CAVIN4: variants seen among roughly 807,000 people sequenced by gnomAD.
The protein encoded by CAVIN4 is caveolae-associated protein 4.
CAVIN4 carries 10 observed loss-of-function variants against 18.6 expected under a neutral mutation model. The ratio of observed to expected loss-of-function variants is 0.54; its 90% CI spans 0.33 to 0.91. CAVIN4 has a LOEUF of 0.91. Among genes scored for constraint, CAVIN4 ranks in the 40% least tolerant of loss-of-function variants. The pLI is 0.02. For missense variants in CAVIN4, 459 were observed against 440.5 expected (o/e 1.04, Z -0.38); for synonymous variants, 173 against 164.8 (o/e 1.05, Z -0.38).
In CAVIN4 at chr9:100,587,584, A is replaced by G. The variant is rs932664074; in HGVS notation, c.*1133A>G. 12 of 152,182 alleles carry G rather than the reference A, an allele frequency of 7.9e-5. No homozygotes were observed. The highest frequency in any genetic ancestry group is 7.2e-4 in the Admixed American group (11 of 15,278). The allele number at this position is 152,182 out of a possible 1,614,324, so 9.4% of individuals were successfully genotyped here. A position where few individuals can be genotyped will look rare whatever the true frequency, so the allele number is the denominator to read the frequency against. ...GAATCCAGGAAGTAGAACAATGTCT[A>G]TTGTTGCTAAAGAAAGAAAGAAATG... On this transcript the variant is annotated 3_prime_UTR_variant, in exon 2 of 2. Transcript: ENST00000307584.
chr9:100,581,825 A>G (rs115326937), intron 1 of CAVIN4, among the ~76,000 whole-genome samples: 161 of 152,184 alleles, frequency 1.1e-3, no homozygotes, highest in African/African-American at 3.7e-3. Context: ...GCCAACCCAC[A>G]TTGTGTTGCT....
Position 100,578,521 on chromosome 9 carries a change from GA to G in CAVIN4, c.383del (p.Asn128ThrfsTer6). The part of the protein sequence containing the change: ...VEVKQEEIMK[K>X]NKFRVVIFQE... ...AAGTCAAGCAAGAGGAAATAATGAA[GA>G]AAAACAAATTCCGCGTGGTAATATT... On this transcript the variant is annotated frameshift_variant, in exon 1 of 2. Transcript: ENST00000307584. LOFTEE classifies it high-confidence loss of function. The G allele has an allele frequency of 6.2e-7, 1 of 1,613,496 alleles. No homozygotes were observed. Among genetic ancestry groups the G allele is most frequent in the South Asian group, 1.1e-5 (1 of 91,070 alleles).
intron 1 of CAVIN4, among the ~76,000 whole-genome samples, chr9:100,580,267 G>C (rs774046358): frequency 6.6e-6 from 1 of 151,992 alleles, no homozygotes; most frequent in Non-Finnish European, 1.5e-5. Context: ...GCACTCCAGC[G>C]TGGGTGATAG....
intron 1 of CAVIN4, chr9:100,581,133 A>G (rs1839422383): frequency 6.6e-6 from 1 of 152,092 alleles, no homozygotes; most frequent in South Asian, 2.1e-4. Flanking sequence ...TTCCCTAGCT[A>G]TATTAGTTTG....
chr9:100,581,611 C>G (rs1839428495), intron 1 of CAVIN4, among the ~76,000 whole-genome samples: 2 of 152,158 alleles, frequency 1.3e-5, no homozygotes, highest in Admixed American at 1.3e-4. Flanking sequence ...ATCTGCGTAA[C>G]AAGTACTTTT....
rs1167483502 is a variant in CAVIN4 at position 100,578,539 on chromosome 9, G to A, written c.396G>A (p.Val132=). The A allele has an allele frequency of 3.7e-6, 6 of 1,612,936 alleles. No individual in the cohort carries two copies. The African/African-American group carries it at 5.3e-5, about 14-fold the overall frequency. Residue 132 remains valine (V), a synonymous_variant, in exon 1 of 2, where the codon GTG becomes GTA. Transcript: ENST00000307584. ...TAATGAAGAAAAACAAATTCCGCGTGGTAATATTCCAGGTAAGCTTGCACT... is the reference window on the plus strand; with the variant it reads ...TAATGAAGAAAAACAAATTCCGCGTAGTAATATTCCAGGTAAGCTTGCACT... The part of the protein sequence containing the change: ...EEIMKKNKFR[V]VIFQEKFRCP...
rs1839392234 is a variant in CAVIN4 at position 100,578,427 on chromosome 9, A to G, written c.284A>G (p.Lys95Arg). The G allele has an allele frequency of 1.1e-5, 17 of 1,614,026 alleles. No individual in the cohort carries two copies. Among genetic ancestry groups the G allele is most frequent in the African/African-American group, 1.3e-5 (1 of 74,910 alleles). The change falls in exon 1 of 2, where the codon AAA (lysine) becomes AGA (arginine). Residue 95 changes from lysine to arginine, a missense_variant. Lys to Arg is a conservative substitution (Grantham distance 26). Transcript: ENST00000307584. ...IINKLFEKTR[K>R]VSAHIKDVKA... ...AACAAATTGTTTGAGAAAACCCGAA[A>G]AGTTAGTGCTCACATTAAAGATGTG...
chr9:100,583,797 C>T (rs1391183152), intron 1 of CAVIN4, among the ~76,000 whole-genome samples: 4 of 152,256 alleles, frequency 2.6e-5, no homozygotes, highest in Non-Finnish European at 5.9e-5. Context: ...CAGGCATGTC[C>T]CACCACACCT....
intron 1 of CAVIN4, 75 bp downstream of exon 1, chr9:100,578,626 G>T (rs1182234577): frequency 7.2e-7 from 1 of 1,397,758 alleles, no homozygotes; most frequent in Non-Finnish European, 1.0e-6. Flanking sequence ...CATATCAGAG[G>T]TTTCCAGTGT....
At chr9:100,577,649 TG>T (rs1839375738), upstream of CAVIN4, 1 of 153,228 alleles carries the variant, frequency 6.5e-6, no homozygotes, top group African/African-American at 2.4e-5. Context: ...GCCTCTGTTT[TG>T]GTGTGTTTAT....
chr9:100,583,766 C>A (rs1259604495), intron 1 of CAVIN4, among the ~76,000 whole-genome samples: 2 of 152,202 alleles, frequency 1.3e-5, no homozygotes, highest in Non-Finnish European at 2.9e-5. Context: ...CTTGCCTCAG[C>A]CTCCCGAGTA....
chr9:100,577,978 A>G (rs1405137856), upstream of CAVIN4: 1 of 634,986 alleles, frequency 1.6e-6, no homozygotes, highest in Admixed American at 2.7e-5. Context: ...TTCAGATTGC[A>G]GAACAGTCAC....
intron 1 of CAVIN4, among the ~76,000 whole-genome samples, chr9:100,585,317 G>T (rs1839464966): frequency 6.6e-6 from 1 of 152,164 alleles, no homozygotes; most frequent in African/African-American, 2.4e-5. Context: ...TATGATTCAG[G>T]TGTTTCTATC....
In CAVIN4 at chr9:100,588,070, A is replaced by G. The variant is rs908095859; in HGVS notation, c.*1619A>G. On this transcript the variant is annotated 3_prime_UTR_variant, in exon 2 of 2. Transcript: ENST00000307584. Reference sequence around the variant, plus strand: ...CTTTCAGATCAGTTTTTGGATAATCATATGGTAGTTAAAATAATAAGTGTA... The same window carrying G: ...CTTTCAGATCAGTTTTTGGATAATCGTATGGTAGTTAAAATAATAAGTGTA... 6.6e-6 allele frequency among the ~76,000 whole-genome samples: 1 copy of G among 152,220 alleles called. No individual in the cohort carries two copies. The highest frequency in any genetic ancestry group is 2.4e-5 in the African/African-American group (1 of 41,458).
chr9:100,578,584 C>A, intron 1 of CAVIN4, 33 bp downstream of exon 1: 1 of 1,609,132 alleles, frequency 6.2e-7, no homozygotes, highest in South Asian at 1.1e-5. Context: ...CTTGCTTGTT[C>A]TAATCTCTTG....
rs146893930 is a variant in CAVIN4 at position 100,586,328 on chromosome 9, G to A, written c.972G>A (p.Pro324=). The A allele has an allele frequency of 6.6e-5, 107 of 1,613,944 alleles. No homozygotes were observed. The East Asian group carries it at 1.0e-3, about 15-fold the overall frequency. The part of the protein sequence containing the change: ...LSEPEHEAAR[P]VYPPHEGREI... The stretch of plus-strand genomic sequence containing the variant: ...AACCAGAACACGAGGCAGCCAGGCC[G>A]GTGTATCCTCCCCATGAAGGAAGGG... The change falls in exon 2 of 2, where the codon CCG becomes CCA. Residue 324 remains proline, a synonymous_variant. Coordinates refer to ENST00000307584, the MANE Select transcript of CAVIN4 (RefSeq NM_001018116.2).
chr9:100,577,222 T>A (rs1351800131), upstream of CAVIN4: 2 of 152,618 alleles, frequency 1.3e-5, no homozygotes, highest in Non-Finnish European at 2.9e-5. Context: ...AAAGTAGATA[T>A]AGATATTGTG....
In CAVIN4 at chr9:100,587,843, T is replaced by C. The variant is rs111491683; in HGVS notation, c.*1392T>C. On this transcript the variant is annotated 3_prime_UTR_variant, in exon 2 of 2. Transcript: ENST00000307584. ...AGGCGGAGGTTGCAGTGAGCCGAGATTGTGCCACTGCACTCAAGCCTGGGC... is the reference window on the plus strand; with the variant it reads ...AGGCGGAGGTTGCAGTGAGCCGAGACTGTGCCACTGCACTCAAGCCTGGGC... 0.1 allele frequency: 15,316 copies of C among 152,276 alleles called. 966 individuals carry two copies. The highest frequency in any genetic ancestry group is 0.17 in the Middle Eastern group (50 of 294). The allele number at this position is 152,276 out of a possible 1,614,324, so 9.4% of individuals were successfully genotyped here.
Position 100,587,564 on chromosome 9 carries a change from C to T in CAVIN4, c.*1113C>T, listed in dbSNP as rs1245495498. 1 of 152,048 alleles carries T rather than the reference C, an allele frequency of 6.6e-6. No individual in the cohort carries two copies. The highest frequency in any genetic ancestry group is 2.4e-5 in the African/African-American group (1 of 41,388). The allele number at this position is 152,048 out of a possible 1,614,324, so 9.4% of individuals were successfully genotyped here. Reference sequence around the variant, plus strand: ...TCTTTTAGCTTTAGATCGTGGAATCCAGGAAGTAGAACAATGTCTATTGTT... The same window carrying T: ...TCTTTTAGCTTTAGATCGTGGAATCTAGGAAGTAGAACAATGTCTATTGTT... On this transcript the variant is annotated 3_prime_UTR_variant, in exon 2 of 2. Coordinates refer to ENST00000307584, the MANE Select transcript of CAVIN4 (RefSeq NM_001018116.2).
Sources: allele counts gnomAD v4.1 joint callset (sites outside exome capture counted in the v4.1 genomes callset), GRCh38; gene constraint gnomAD v4.1.1; transcripts MANE v1.5; gene names NCBI Gene and HGNC (gene_info 2026-07-23, HGNC 2026-07-21).